C13orf42: variants seen among roughly 807,000 people sequenced by gnomAD.
C13orf42 encodes uncharacterized protein C13orf42.
upstream of C13orf42, among the ~76,000 whole-genome samples, chr13:51,111,469 G>A (rs1227280919): frequency 6.6e-6 from 1 of 152,220 alleles, no homozygotes; most frequent in Admixed American, 6.5e-5. Flanking sequence ...TTAAAAATGA[G>A]TGCCCTGGCT....
chr13:51,166,934 C>T (rs1032236948), intron 1 of C13orf42, among the ~76,000 whole-genome samples: 3 of 152,008 alleles, frequency 2.0e-5, no homozygotes, highest in Non-Finnish European at 4.4e-5. Context: ...TAAAAATTAG[C>T]TATGTGTGGT....
chr13:51,160,097 G>A (rs1289751359), intron 1 of C13orf42, among the ~76,000 whole-genome samples: 3 of 152,166 alleles, frequency 2.0e-5, no homozygotes, highest in Non-Finnish European at 4.4e-5. Context: ...CCCACAACAC[G>A]TGGGACTTAT....
chr13:51,138,007 G>C (rs1346771400), intron 1 of C13orf42, among the ~76,000 whole-genome samples: 2 of 152,136 alleles, frequency 1.3e-5, no homozygotes, highest in Non-Finnish European at 2.9e-5. Flanking sequence ...AGAGGCAGGA[G>C]GGTTTGTGTC....
At chr13:51,160,782 T>A (rs59631938) in intron 1 of C13orf42, among the ~76,000 whole-genome samples, 237 of 152,252 alleles carry the variant, frequency 1.6e-3, no homozygotes, top group African/African-American at 5.2e-3. Context: ...CCTGATTTTT[T>A]AAATTATCTA....
rs148616721 is a variant in C13orf42, at chr13:51,152,376, C to A, written n.136+19877G>T. ...TTATTTATTTTTTAAGAGATGGGGT[C>A]TCACTCTGTTGCCAGGGCTGAAGTG... is the stretch of plus-strand genomic sequence containing the variant. On this transcript the variant is annotated intron_variant and non_coding_transcript_variant, in intron 1 of 4. Coordinates refer to the C13orf42 transcript ENST00000433280. 8.3e-3 allele frequency among the ~76,000 whole-genome samples: 1,265 copies of A among 152,314 alleles called. 46 individuals are homozygous for A. Among genetic ancestry groups the A allele is most frequent in the Admixed American group, 0.054 (823 of 15,302 alleles).
chr13:51,140,329 C>T (rs763913892), intron 1 of C13orf42, among the ~76,000 whole-genome samples: 21 of 152,174 alleles, frequency 1.4e-4, no homozygotes, highest in Non-Finnish European at 1.8e-4. Context: ...CCAAGCTGTG[C>T]CCTGACCACC....
At position 51,137,169 on chromosome 13, in the gene C13orf42, C is replaced by A. The variant is rs375924642; in HGVS notation, n.137-23947G>T. ...GCATGTGGAAATTAAACAAATTATG[C>A]AAATTATTTATATTGATAAACAGTA... On this transcript the variant is annotated intron_variant and non_coding_transcript_variant, in intron 1 of 4. Coordinates refer to the C13orf42 transcript ENST00000433280. 2.6e-5 allele frequency among the ~76,000 whole-genome samples: 4 copies of A among 152,124 alleles called. No homozygotes were observed. In the East Asian group the frequency reaches 5.8e-4, roughly 22 times the overall value.
At chr13:51,150,013 G>T (rs950466547) in intron 1 of C13orf42, among the ~76,000 whole-genome samples, 1 of 152,128 alleles carries the variant, frequency 6.6e-6, no homozygotes, top group Non-Finnish European at 1.5e-5. Flanking sequence ...AATATTTGAC[G>T]AATAAACTCA....
chr13:51,118,702 G>C (rs1473708137), intron 1 of C13orf42, among the ~76,000 whole-genome samples: 1 of 152,188 alleles, frequency 6.6e-6, no homozygotes, highest in Non-Finnish European at 1.5e-5. Context: ...CCTGCACATA[G>C]AGTGACCATA....
chr13:51,127,039 C>T (rs776850683), intron 1 of C13orf42, among the ~76,000 whole-genome samples: 1 of 152,026 alleles, frequency 6.6e-6, no homozygotes, highest in Non-Finnish European at 1.5e-5. Flanking sequence ...TGGTGGCAGG[C>T]GCCTATAGTC....
At position 51,085,309 on chromosome 13, in the gene C13orf42, A is replaced by G. The variant is rs575047539; in HGVS notation, c.803+10T>C. 7.5e-6 allele frequency: 3 copies of G among 398,362 alleles called. No individual in the cohort carries two copies. Among genetic ancestry groups the G allele is most frequent in the Admixed American group, 4.4e-5 (1 of 22,726 alleles). The allele number at this position is 398,362 out of a possible 1,614,324, so 24.7% of individuals were successfully genotyped here. ...ACATCTTGGTCATGCTATTTAGCCC[A>G]AGCACTTACTCTTTTTTGCAGGCTT... On this transcript the variant is annotated intron_variant, in intron 3 of 3. Transcript: ENST00000563710.
At chr13:51,092,802 G>A (rs1463322373) in intron 1 of C13orf42, among the ~76,000 whole-genome samples, 2 of 151,978 alleles carry the variant, frequency 1.3e-5, no homozygotes, top group Non-Finnish European at 1.5e-5. Flanking sequence ...TTTTAAAAAT[G>A]TTTTATTATA....
At chr13:51,157,195 AGGCCGAGGCGGAC>A (rs1394963008) in intron 1 of C13orf42, among the ~76,000 whole-genome samples, 3 of 152,166 alleles carry the variant, frequency 2.0e-5, no homozygotes, top group Non-Finnish European at 2.9e-5. Context: ...GCACTTTGGG[AGGCCGAGGCGGAC>A]GGATCGTTTG....
chr13:51,136,380 G>A (rs12865375), intron 1 of C13orf42, among the ~76,000 whole-genome samples: 18,871 of 152,174 alleles, frequency 0.12, 1,290 homozygotes, highest in African/African-American at 0.16. Flanking sequence ...GAACCCCAGT[G>A]ACTCTGACTC....
intron 1 of C13orf42, among the ~76,000 whole-genome samples, chr13:51,160,119 T>C (rs1016693384): frequency 1.3e-5 from 2 of 152,214 alleles, no homozygotes; most frequent in Admixed American, 6.5e-5. Flanking sequence ...TGAGATACAA[T>C]TCAAGTTGAG....
chr13:51,112,992 A>G (rs1953450021), upstream of C13orf42, among the ~76,000 whole-genome samples: 2 of 152,210 alleles, frequency 1.3e-5, no homozygotes, highest in African/African-American at 4.8e-5. Context: ...TCTCAGAGGT[A>G]GCCACAGGCT....
chr13:51,108,229 A>C (rs187329018), intron 1 of C13orf42, among the ~76,000 whole-genome samples: 20 of 152,300 alleles, frequency 1.3e-4, no homozygotes, highest in Non-Finnish European at 2.5e-4. Flanking sequence ...GCAATCACCT[A>C]GTTTCTAACT....
chr13:51,148,497 T>G (rs1953755336), intron 1 of C13orf42, among the ~76,000 whole-genome samples: 1 of 152,100 alleles, frequency 6.6e-6, no homozygotes, highest in Non-Finnish European at 1.5e-5. Flanking sequence ...GACATTTCAG[T>G]GAAGAGCTGT....
intron 2 of C13orf42, among the ~76,000 whole-genome samples, chr13:51,085,970 C>T (rs1953119866): frequency 6.6e-6 from 1 of 151,792 alleles, no homozygotes; most frequent in African/African-American, 2.4e-5. Flanking sequence ...TGAGCCGAGA[C>T]TGTACCACTG....
Sources: allele counts gnomAD v4.1 joint callset (sites outside exome capture counted in the v4.1 genomes callset), GRCh38; gene constraint gnomAD v4.1.1; transcripts MANE v1.5; gene names NCBI Gene and HGNC (gene_info 2026-07-23, HGNC 2026-07-21).